ANTXR2: variants seen among roughly 807,000 people sequenced by gnomAD.
ANTXR2 encodes the protein ANTXR cell adhesion molecule 2.
A neutral mutation model predicts 73.7 loss-of-function variants in ANTXR2; 44 were observed. That is an observed-to-expected ratio of 0.60 (90% CI 0.47 to 0.77). The LOEUF (loss-of-function observed/expected upper bound fraction) is 0.77, where lower values mean the gene tolerates loss of function less well. Ranked by LOEUF, ANTXR2 falls within the 30% of genes least tolerant of loss-of-function variation. The pLI, the probability that ANTXR2 is intolerant of heterozygous loss-of-function variation, is 0.00. For missense variants in ANTXR2, 604 were observed against 592.5 expected, an observed-to-expected ratio of 1.02 and a Z score of -0.20; for synonymous variants, 217 against 205.9, an observed-to-expected ratio of 1.05 and a Z score of -0.46.
intron 12 of ANTXR2, among the ~76,000 whole-genome samples, chr4:79,993,971 T>A (rs1418330286): frequency 2.6e-5 from 4 of 151,902 alleles, no homozygotes; most frequent in Non-Finnish European, 5.9e-5. Context: ...AATATTTCAG[T>A]GTGGTTTCTA....
At chr4:80,058,157 A>C (rs1430843302) in intron 3 of ANTXR2, among the ~76,000 whole-genome samples, 1 of 152,104 alleles carries the variant, frequency 6.6e-6, no homozygotes, top group African/African-American at 2.4e-5. Context: ...TTCAGTTCAA[A>C]TCAGCTCACC....
chr4:79,989,457 C>A (rs1730361136), intron 12 of ANTXR2, among the ~76,000 whole-genome samples: 2 of 151,946 alleles, frequency 1.3e-5, no homozygotes, highest in South Asian at 2.1e-4. Context: ...TTATCCTGAA[C>A]AGATAAATAA....
chr4:80,003,748 A>G (rs2110049348), intron 12 of ANTXR2, among the ~76,000 whole-genome samples: 1 of 152,218 alleles, frequency 6.6e-6, no homozygotes, highest in South Asian at 2.1e-4. Context: ...AATAATAAAA[A>G]TAGAGAAAAC....
At chr4:80,011,288 T>G (rs1017726418) in intron 11 of ANTXR2, among the ~76,000 whole-genome samples, 3 of 151,482 alleles carry the variant, frequency 2.0e-5, no homozygotes. Context: ...TCTATCTATC[T>G]ATCTATCTAT....
intron 16 of ANTXR2, among the ~76,000 whole-genome samples, chr4:79,963,611 A>G (rs1729233175): frequency 6.6e-6 from 1 of 152,156 alleles, no homozygotes; most frequent in Non-Finnish European, 1.5e-5. Flanking sequence ...TCCCTCTCCA[A>G]AGGATACTTT....
intron 12 of ANTXR2, among the ~76,000 whole-genome samples, chr4:79,997,999 T>A (rs1023884052): frequency 1.3e-5 from 2 of 152,004 alleles, no homozygotes; most frequent in African/African-American, 4.8e-5. Context: ...TATTTTATTG[T>A]GCATTCCAAA....
intron 16 of ANTXR2, among the ~76,000 whole-genome samples, chr4:79,908,765 C>T (rs1418705084): frequency 6.6e-6 from 1 of 152,104 alleles, no homozygotes; most frequent in East Asian, 1.9e-4. Context: ...AAATTCCTTA[C>T]TGATACAGGT....
chr4:80,055,742 C>T (rs1256980857), intron 4 of ANTXR2, among the ~76,000 whole-genome samples, 190 bp downstream of exon 4: 1 of 151,846 alleles, frequency 6.6e-6, no homozygotes, highest in Non-Finnish European at 1.5e-5. Context: ...AAGGCAAAAG[C>T]CATCTTAACT....
intron 12 of ANTXR2, among the ~76,000 whole-genome samples, chr4:79,987,415 G>A (rs1322999715): frequency 6.6e-6 from 1 of 151,764 alleles, no homozygotes; most frequent in African/African-American, 2.4e-5. Flanking sequence ...TTGAATCAAT[G>A]CAGGCAAAAA....
chr4:79,964,322 A>ACGCAT (rs2109998794), intron 16 of ANTXR2, among the ~76,000 whole-genome samples: 2 of 152,318 alleles, frequency 1.3e-5, no homozygotes, highest in South Asian at 4.1e-4. Context: ...AAAAAGGAGA[A>ACGCAT]CGCATGGTAA....
At position 80,072,334 on chromosome 4, in the gene ANTXR2, C is replaced by T. The variant is rs115149752; in HGVS notation, c.152+75G>A. The T allele has an allele frequency of 2.1e-6, 3 of 1,438,998 alleles. No homozygotes were observed. The African/African-American group carries it at 4.5e-5, about 21-fold the overall frequency. The allele number at this position is 1,438,998 out of a possible 1,614,324, so 89.1% of individuals were successfully genotyped here. ...AACACCACTCCCCGGGGTGCGCACA[C>T]GCATCTCAGCCTCAGCCCCAGCTGA... On this transcript the variant is annotated intron_variant, in intron 1 of 16. Transcript: ENST00000403729.
intron 16 of ANTXR2, among the ~76,000 whole-genome samples, chr4:79,937,250 A>C (rs757629373): frequency 6.6e-6 from 1 of 152,182 alleles, no homozygotes; most frequent in Non-Finnish European, 1.5e-5. Flanking sequence ...AAAGATTCAC[A>C]TTTGGCTCAA....
At chr4:79,987,842 A>G (rs35068441) in intron 12 of ANTXR2, among the ~76,000 whole-genome samples, 10,054 of 152,224 alleles carry the variant, frequency 0.066, 431 homozygotes, top group Middle Eastern at 0.11. Context: ...AGAAACTTCA[A>G]CCAAGAATTT....
At chr4:79,933,617 T>C (rs1214028426) in intron 16 of ANTXR2, among the ~76,000 whole-genome samples, 1 of 152,062 alleles carries the variant, frequency 6.6e-6, no homozygotes, top group Non-Finnish European at 1.5e-5. Context: ...TTGTTACATA[T>C]GTATACATGT....
intron 3 of ANTXR2, among the ~76,000 whole-genome samples, chr4:80,056,573 C>A (rs74322609): frequency 0.05 from 7,629 of 151,940 alleles, 625 homozygotes; most frequent in African/African-American, 0.17. Flanking sequence ...CATTCCCTTG[C>A]ACATTCCCTT....
At chr4:80,019,775 T>C (rs1732066369) in intron 10 of ANTXR2, among the ~76,000 whole-genome samples, 1 of 152,204 alleles carries the variant, frequency 6.6e-6, no homozygotes, top group Admixed American at 6.5e-5. Flanking sequence ...TATTAAAATA[T>C]CCCGACAAAG....
Position 79,903,394 on chromosome 4 carries a change from C to T in ANTXR2, c.*4035G>A, listed in dbSNP as rs1726784182. 6.6e-6 allele frequency: 1 copy of T among 151,632 alleles called. No homozygotes were observed. Among genetic ancestry groups the T allele is most frequent in the Non-Finnish European group, 1.5e-5 (1 of 67,924 alleles). The allele number at this position is 151,632 out of a possible 1,614,324, so 9.4% of individuals were successfully genotyped here. A position where few individuals can be genotyped will look rare whatever the true frequency, so the allele number is the denominator to read the frequency against. Reference sequence around the variant, plus strand: ...TCTCACACACACACACACAATTTACCTTAATATAGTTATTGTAGAGCAATC... The same window carrying T: ...TCTCACACACACACACACAATTTACTTTAATATAGTTATTGTAGAGCAATC... On this transcript the variant is annotated 3_prime_UTR_variant, in exon 17 of 17. Coordinates refer to ENST00000403729, the MANE Select transcript of ANTXR2 (RefSeq NM_058172.6).
In ANTXR2 at chr4:79,904,940, A is replaced by G. The variant is rs2109919595; in HGVS notation, c.*2489T>C. The G allele has an allele frequency of 6.6e-6, 1 of 152,258 alleles. No homozygotes were observed. Among genetic ancestry groups the G allele is most frequent in the South Asian group, 2.1e-4 (1 of 4,830 alleles). 9.4% of individuals were successfully genotyped at this position (152,258 alleles called of 1,614,324 possible). ...CACTCTTCAAAACAAATTCTTTTCA[A>G]CTGCTAGTTAGTATAATTGGAGAAA... On this transcript the variant is annotated 3_prime_UTR_variant, in exon 17 of 17. Coordinates refer to ENST00000403729, the MANE Select transcript of ANTXR2 (RefSeq NM_058172.6).
intron 3 of ANTXR2, among the ~76,000 whole-genome samples, chr4:80,057,892 T>C (rs899918726): frequency 6.6e-6 from 1 of 152,080 alleles, no homozygotes; most frequent in Non-Finnish European, 1.5e-5. Context: ...AATTTTTCAA[T>C]ATATCATAAA....
Sources: gnomAD v4.1 joint callset for allele counts (sites outside exome capture counted in the v4.1 genomes callset) on GRCh38, gnomAD v4.1.1 for gene constraint, MANE v1.5 for transcripts, NCBI Gene and HGNC (gene_info 2026-07-23, HGNC 2026-07-21) for gene names.